The following DYNC2H1 variants were observed in gnomAD, a reference collection of about 807,000 sequenced individuals.
The protein encoded by DYNC2H1 is cytoplasmic dynein 2 heavy chain 1.
Under a neutral mutation model 570.0 loss-of-function variants are expected in DYNC2H1, and 410 were observed. The ratio of observed to expected loss-of-function variants is 0.72; its 90% confidence interval spans 0.66 to 0.78. DYNC2H1 has a LOEUF of 0.78. Among genes scored for constraint, DYNC2H1 ranks in the 30% least tolerant of loss-of-function variants. The pLI is 0.00. For missense variants in DYNC2H1, 4,865 were observed against 5,046.4 expected (o/e 0.96, Z 1.09); for synonymous variants, 1,688 against 1,677.6 (o/e 1.01, Z -0.15).
Position 103,151,331 on chromosome 11 carries a change from C to T in DYNC2H1, c.2947-805C>T, listed in dbSNP as rs559356589. Reference sequence around the variant, plus strand: ...TTGCTTAGGTTAATCTTAATCCCCTCGCCTCGGCCTCCCAAAGTGCTAGGA... The same window carrying T: ...TTGCTTAGGTTAATCTTAATCCCCTTGCCTCGGCCTCCCAAAGTGCTAGGA... On this transcript the variant is annotated intron_variant, in intron 20 of 88. Coordinates refer to ENST00000375735, the MANE Select transcript of DYNC2H1 (RefSeq NM_001377.3). This position sits in a 1 kb window ranked among gnomAD's most constrained non-coding sequence, Gnocchi z 4.6. Among the ~76,000 whole-genome samples the T allele has an allele frequency of 2.0e-5, 3 of 152,216 alleles. No individual in the cohort carries two copies. The highest frequency in any genetic ancestry group is 4.4e-5 in the Non-Finnish European group (3 of 68,012).
At position 103,209,858 on chromosome 11, in the gene DYNC2H1, A is replaced by G; in HGVS notation, c.8455-18A>G. On this transcript the variant is annotated intron_variant, in intron 52 of 88. Transcript: ENST00000375735. The surrounding 1 kb of genome is among the most constrained non-coding windows in gnomAD (Gnocchi z 4.2). ...GGGACTTATACTCTTTCATAGTGAT[A>G]TTCTTTTTATGTTTTAGATACCTGA... The G allele has an allele frequency of 2.7e-6, 4 of 1,456,952 alleles. No individual in the cohort carries two copies. The highest frequency in any genetic ancestry group is 3.6e-6 in the Non-Finnish European group (4 of 1,101,750). The allele number at this position is 1,456,952 out of a possible 1,614,324, so 90.3% of individuals were successfully genotyped here.
At position 103,439,817 on chromosome 11, in the gene DYNC2H1, T is replaced by A. The variant is rs1442906771; in HGVS notation, c.12456+3785T>A. Reference sequence around the variant, plus strand: ...ATGAACAAAGGAATTAACAAATGAATGGACTGGACAGATTACTCTCTTTGG... The same window carrying A: ...ATGAACAAAGGAATTAACAAATGAAAGGACTGGACAGATTACTCTCTTTGG... On this transcript the variant is annotated intron_variant, in intron 85 of 88. Coordinates refer to ENST00000375735, the MANE Select transcript of DYNC2H1 (RefSeq NM_001377.3). This position sits in a 1 kb window ranked among gnomAD's most constrained non-coding sequence, Gnocchi z 4.1. 6.6e-6 allele frequency among the ~76,000 whole-genome samples: 1 copy of A among 152,172 alleles called. No individual in the cohort carries two copies. The highest frequency in any genetic ancestry group is 1.5e-5 in the Non-Finnish European group (1 of 68,032).
intron 88 of DYNC2H1, among the ~76,000 whole-genome samples, chr11:103,473,330 A>C (rs1945451777): frequency 7.2e-6 from 1 of 139,264 alleles, no homozygotes; most frequent in Admixed American, 7.7e-5. Flanking sequence ...TCTGTCTCCC[A>C]GGCTGGAGTG....
At chr11:103,173,368 A>G in intron 35 of DYNC2H1, 63 bp downstream of exon 35, 1 of 1,186,956 alleles carries the variant, frequency 8.4e-7, no homozygotes, top group Non-Finnish European at 1.1e-6. Flanking sequence ...TTTGGTTATT[A>G]GTGATCATTT....
intron 82 of DYNC2H1, among the ~76,000 whole-genome samples, chr11:103,346,075 T>G (rs777772240): frequency 1.3e-5 from 2 of 152,230 alleles, no homozygotes; most frequent in African/African-American, 2.4e-5. Flanking sequence ...TTTAAAAACC[T>G]GTTAGATTTA....
chr11:103,253,933 T>A (rs1864940740), intron 66 of DYNC2H1, among the ~76,000 whole-genome samples: 1 of 152,122 alleles, frequency 6.6e-6, no homozygotes, highest in Non-Finnish European at 1.5e-5. Flanking sequence ...TACATAAATT[T>A]CAAAATGATT....
chr11:103,314,546 T>C (rs527638819), intron 79 of DYNC2H1, among the ~76,000 whole-genome samples: 4 of 152,210 alleles, frequency 2.6e-5, no homozygotes, highest in African/African-American at 7.2e-5. Flanking sequence ...TGTCAATTTT[T>C]AAATGTGGAA....
chr11:103,172,450 T>C (rs767984243), intron 34 of DYNC2H1, among the ~76,000 whole-genome samples: 1 of 152,140 alleles, frequency 6.6e-6, no homozygotes, highest in Non-Finnish European at 1.5e-5. Flanking sequence ...CCCTGATTTA[T>C]ATTTCTTCTT....
chr11:103,420,486 A>T (rs1943447785), intron 84 of DYNC2H1, among the ~76,000 whole-genome samples: 1 of 152,164 alleles, frequency 6.6e-6, no homozygotes, highest in South Asian at 2.1e-4. Flanking sequence ...GAGAAAGGAC[A>T]CGTCACTCAC....
At chr11:103,435,259 TTC>T (rs1256573098) in intron 84 of DYNC2H1, among the ~76,000 whole-genome samples, 2 of 152,134 alleles carry the variant, frequency 1.3e-5, no homozygotes, top group African/African-American at 4.8e-5. Context: ...AAAATTGACG[TTC>T]TCTCCTTATT....
intron 47 of DYNC2H1, among the ~76,000 whole-genome samples, chr11:103,194,236 GT>G: frequency 6.6e-6 from 1 of 152,234 alleles, no homozygotes. Context: ...CATGCCGATT[GT>G]TTTGTTTCGA....
intron 79 of DYNC2H1, 116 bp from the exon 80 acceptor site, chr11:103,316,429 C>A: frequency 1.6e-6 from 1 of 629,612 alleles, no homozygotes; most frequent in Non-Finnish European, 2.5e-6. Flanking sequence ...TAAAAATTCT[C>A]AGGAGTTATA....
chr11:103,159,756 A>G (rs1013803780), intron 28 of DYNC2H1, among the ~76,000 whole-genome samples: 7 of 152,182 alleles, frequency 4.6e-5, no homozygotes, highest in African/African-American at 1.7e-4. Flanking sequence ...GTATTTTTCA[A>G]ATTAAATTTA....
chr11:103,146,647 T>C lies in DYNC2H1; in HGVS notation c.2703-1125T>C, dbSNP rs1054021515. On this transcript the variant is annotated intron_variant, in intron 18 of 88. Transcript: ENST00000375735. Reference sequence around the variant, plus strand: ...AGACTGAATCTCACTCTGTCACCCATGCTGGAGTGCAGTAGTGTGATCTCG... The same window carrying C: ...AGACTGAATCTCACTCTGTCACCCACGCTGGAGTGCAGTAGTGTGATCTCG... Among the ~76,000 whole-genome samples, 12 of 152,284 alleles carry C rather than the reference T, an allele frequency of 7.9e-5. No individual in the cohort carries two copies. In the South Asian group the frequency reaches 2.3e-3, roughly 29 times the overall value.
At chr11:103,462,411 T>A (rs1426332241) in intron 87 of DYNC2H1, among the ~76,000 whole-genome samples, 2 of 152,158 alleles carry the variant, frequency 1.3e-5, no homozygotes, top group African/African-American at 2.4e-5. Flanking sequence ...TTGTTTTTAG[T>A]CATGCTAACA....
chr11:103,453,165 GT>G (rs1434913241), intron 85 of DYNC2H1, among the ~76,000 whole-genome samples: 2 of 152,018 alleles, frequency 1.3e-5, no homozygotes, highest in Non-Finnish European at 1.5e-5. Flanking sequence ...GAGGTTTTAT[GT>G]TTAATCTCAA....
Position 103,321,141 on chromosome 11 carries a change from G to A in DYNC2H1, c.11838G>A (p.Gln3946=). 6.2e-7 allele frequency: 1 copy of A among 1,612,140 alleles called. No homozygotes were observed. Among genetic ancestry groups the A allele is most frequent in the South Asian group, 1.1e-5 (1 of 90,848 alleles). The change falls in exon 81 of 89, where the codon CAG becomes CAA. Residue 3946 remains glutamine (Q), a synonymous_variant. Transcript: ENST00000375735. The part of the protein sequence containing the change: ...DLRVLQSYLK[Q]FFNSSVIDVF... ...GAGTTCTTCAGTCATACCTGAAGCA[G>A]TTTTTTAATTCTTCAGTTATTGATG...
intron 60 of DYNC2H1, among the ~76,000 whole-genome samples, chr11:103,233,158 C>T (rs1056817051): frequency 6.6e-6 from 1 of 152,008 alleles, no homozygotes; most frequent in Admixed American, 6.6e-5. Flanking sequence ...CCAGTCACAT[C>T]TGTATATGAA....
intron 83 of DYNC2H1, among the ~76,000 whole-genome samples, chr11:103,393,087 T>C (rs1226345354): frequency 6.6e-6 from 1 of 152,164 alleles, no homozygotes; most frequent in Non-Finnish European, 1.5e-5. Flanking sequence ...TTTCACCATG[T>C]TGGCCAGGCT....
Sources: allele counts gnomAD v4.1 joint callset (sites outside exome capture counted in the v4.1 genomes callset), GRCh38; gene constraint gnomAD v4.1.1; non-coding constraint Gnocchi (gnomAD v3.1); transcripts MANE v1.5; gene names NCBI Gene and HGNC (gene_info 2026-07-23, HGNC 2026-07-21).